Variants in TIAM2 observed in about 807,000 individuals in gnomAD.
TIAM2 encodes the protein TIAM Rac1 associated GEF 2.
TIAM2 carries 80 observed loss-of-function variants against 152.9 expected under a neutral mutation model. The observed-to-expected ratio is 0.52, with a 90% CI of 0.44 to 0.63. The LOEUF (loss-of-function observed/expected upper bound fraction) is 0.63, where lower values mean the gene tolerates loss of function less well. Ranked by LOEUF, TIAM2 falls within the 30% of genes least tolerant of loss-of-function variation. The pLI is 0.00. For synonymous variants in TIAM2, 804 were observed against 838.0 expected, an observed-to-expected ratio of 0.96 and a Z score of 0.70; for missense variants, 1,965 against 2,120.1, an observed-to-expected ratio of 0.93 and a Z score of 1.44.
chr6:155,036,210 C>T (rs1019203071), intron 1 of TIAM2, among the ~76,000 whole-genome samples: 25 of 152,160 alleles, frequency 1.6e-4, no homozygotes, highest in African/African-American at 5.3e-4. Flanking sequence ...TGCTGAAATG[C>T]GTCATTTGTT....
intron 2 of TIAM2, among the ~76,000 whole-genome samples, chr6:155,103,449 C>A (rs548077153): frequency 6.6e-6 from 1 of 151,634 alleles, no homozygotes; most frequent in East Asian, 1.9e-4. Context: ...AGTGGCCGGG[C>A]GCGGTAGCTC....
chr6:155,058,792 A>G (rs1248821790), intron 1 of TIAM2, among the ~76,000 whole-genome samples: 1 of 152,200 alleles, frequency 6.6e-6, no homozygotes, highest in East Asian at 1.9e-4. Flanking sequence ...AGCGGTCTCA[A>G]TAGATAATTA....
chr6:155,216,830 C>T (rs533449750), intron 15 of TIAM2: 31 of 1,051,012 alleles, frequency 2.9e-5, no homozygotes, highest in Middle Eastern at 4.3e-4. Flanking sequence ...CTAGAGCAGG[C>T]AGGCTCCCGG....
At chr6:155,199,587 T>C (rs371391009) in intron 14 of TIAM2, among the ~76,000 whole-genome samples, 47 of 152,364 alleles carry the variant, frequency 3.1e-4, no homozygotes, top group African/African-American at 1.0e-3. Flanking sequence ...CAAAATAGTT[T>C]AAAATTTTTT....
At chr6:155,132,488 C>A (rs774787181) in intron 4 of TIAM2, among the ~76,000 whole-genome samples, 21 of 152,014 alleles carry the variant, frequency 1.4e-4, no homozygotes, top group Non-Finnish European at 2.8e-4. Context: ...AGGGCCTCTT[C>A]ATATCCCTGA....
chr6:155,099,286 A>T (rs1351129137), intron 2 of TIAM2, among the ~76,000 whole-genome samples: 1 of 151,672 alleles, frequency 6.6e-6, no homozygotes, highest in Non-Finnish European at 1.5e-5. Context: ...TTTCCAAGAT[A>T]ATTGACTGCA....
intron 1 of TIAM2, among the ~76,000 whole-genome samples, chr6:155,056,974 A>T (rs981462064): frequency 7.6e-6 from 1 of 131,690 alleles, no homozygotes. Context: ...AGTTTTGAGG[A>T]GTATTAGATA....
intron 15 of TIAM2, among the ~76,000 whole-genome samples, chr6:155,235,889 G>A (rs921846717): frequency 6.6e-6 from 1 of 152,194 alleles, no homozygotes; most frequent in African/African-American, 2.4e-5. Flanking sequence ...ATTGTTAGGT[G>A]TGATTTTTGA....
intron 1 of TIAM2, among the ~76,000 whole-genome samples, chr6:155,001,421 A>G (rs1778309893): frequency 1.3e-5 from 2 of 152,254 alleles, no homozygotes; most frequent in Admixed American, 6.5e-5. Context: ...CTTAATAAAA[A>G]TCATCTAGCA....
chr6:155,243,509 C>A (rs1040964156), intron 16 of TIAM2, among the ~76,000 whole-genome samples: 1 of 152,162 alleles, frequency 6.6e-6, no homozygotes. Flanking sequence ...TGATATTAAA[C>A]TCTTTGAATT....
chr6:155,167,031 T>A lies in TIAM2; in HGVS notation c.2361+1622T>A, dbSNP rs547620913. ...ATAACGCTTTTGTGAATTGGGTAAG[T>A]AAAAGGGCCAGTATCAGTTCCTTTG... On this transcript the variant is annotated intron_variant, in intron 9 of 26. Coordinates refer to ENST00000682666, the MANE Select transcript of TIAM2 (RefSeq NM_012454.4). Among the ~76,000 whole-genome samples the A allele has an allele frequency of 2.0e-3, 298 of 152,294 alleles. 1 individual carries two copies. Among genetic ancestry groups the A allele is most frequent in the African/African-American group, 6.9e-3 (285 of 41,560 alleles).
chr6:155,243,969 G>A lies in TIAM2; in HGVS notation c.3349-42G>A, dbSNP rs147532529. 202 of 1,580,946 alleles carry A rather than the reference G, an allele frequency of 1.3e-4. No homozygotes were observed. In the East Asian group the frequency reaches 4.5e-3, roughly 35 times the overall value. On this transcript the variant is annotated intron_variant, in intron 16 of 26. Transcript: ENST00000682666. ...CTACCCAAATCTCATGGGTATTTTG[G>A]AGACTAAAGCGTTGAAGACACTTTC... is the stretch of plus-strand genomic sequence containing the variant.
chr6:155,206,617 GCA>G (rs774712154), intron 14 of TIAM2, among the ~76,000 whole-genome samples: 18 of 152,170 alleles, frequency 1.2e-4, no homozygotes, highest in African/African-American at 2.7e-4. Context: ...CTTGGTGGAT[GCA>G]CAGTGTCTGG....
At chr6:155,235,951 T>C (rs908279881) in intron 15 of TIAM2, among the ~76,000 whole-genome samples, 1 of 152,202 alleles carries the variant, frequency 6.6e-6, no homozygotes, top group Admixed American at 6.5e-5. Context: ...TAACTTATGA[T>C]GTATTTTATC....
intron 2 of TIAM2, among the ~76,000 whole-genome samples, chr6:155,110,263 T>C (rs1233548177): frequency 6.6e-6 from 1 of 151,652 alleles, no homozygotes; most frequent in Non-Finnish European, 1.5e-5. Context: ...GACATGCACA[T>C]ACATTTCCTT....
chr6:155,190,804 A>G (rs575321387), intron 14 of TIAM2, among the ~76,000 whole-genome samples: 36 of 152,032 alleles, frequency 2.4e-4, no homozygotes, highest in African/African-American at 5.6e-4. Flanking sequence ...GGCTGCTGAG[A>G]AGAGGAAACT....
At chr6:155,084,300 A>G (rs1401822647) in intron 1 of TIAM2, among the ~76,000 whole-genome samples, 1 of 152,214 alleles carries the variant, frequency 6.6e-6, no homozygotes, top group African/African-American at 2.4e-5. Flanking sequence ...GCTTGTGTAC[A>G]GGCAAGATCA....
rs1779379932 is a variant in TIAM2 at position 155,129,396 on chromosome 6, G to A, written c.173G>A (p.Arg58Lys). 1 of 1,613,988 alleles carries A rather than the reference G, an allele frequency of 6.2e-7. No homozygotes were observed. The change falls in exon 4 of 27, where the codon AGG becomes AAG. Residue 58 changes from arginine (R) to lysine (K), a missense_variant. Physicochemically the swap from Arg to Lys is conservative, Grantham distance 26. Around this residue, in one of 3 missense-constraint regions of TIAM2, gnomAD observed 1,025 missense variants for 1,119.4 expected, o/e 0.92. Transcript: ENST00000682666. The surrounding 1 kb of genome is among the most constrained non-coding windows in gnomAD (Gnocchi z 4.8). ...AGCAACGGAGCAGGTTACAAGTCCA[G>A]GTCCCTGGCCCGAAGCTGCCTTTCT... The part of the protein sequence containing the change: ...HGSNGAGYKS[R>K]SLARSCLSHF...
Position 155,251,374 on chromosome 6 carries a change from C to T in TIAM2, c.4060+353C>T, listed in dbSNP as rs141505629. On this transcript the variant is annotated intron_variant, in intron 22 of 26. Transcript: ENST00000682666. ...TGATCTCTGCTCACTGCAACCTCCA[C>T]CTCCCAGGTTCAAGCTATTCCCCTG... is the stretch of plus-strand genomic sequence containing the variant. Among the ~76,000 whole-genome samples, 1,328 of 152,276 alleles carry T rather than the reference C, an allele frequency of 8.7e-3. 24 individuals carry two copies. The highest frequency in any genetic ancestry group is 0.03 in the African/African-American group (1,266 of 41,540).
Sources: gnomAD v4.1 joint callset for allele counts (sites outside exome capture counted in the v4.1 genomes callset) on GRCh38, gnomAD v4.1.1 for gene constraint, gnomAD v4.1.1 regional missense constraint, Gnocchi (gnomAD v3.1) non-coding constraint, MANE v1.5 for transcripts, NCBI Gene and HGNC (gene_info 2026-07-23, HGNC 2026-07-21) for gene names.